The following CMYA5 variants were observed in gnomAD, a reference collection of about 807,000 sequenced individuals.
CMYA5 encodes the protein cardiomyopathy-associated protein 5.
CMYA5 carries 246 observed loss-of-function variants against 318.9 expected under a neutral mutation model. The observed-to-expected ratio is 0.77, with a 90% CI of 0.70 to 0.86. CMYA5 has a LOEUF of 0.86. Among genes scored for constraint, CMYA5 ranks in the 40% least tolerant of loss-of-function variants. The pLI, the probability that CMYA5 is intolerant of heterozygous loss-of-function variation, is 0.00. For missense variants in CMYA5, 4,589 were observed against 4,678.2 expected (o/e 0.98, Z 0.56); for synonymous variants, 1,641 against 1,729.5 (o/e 0.95, Z 1.27).
In CMYA5 at chr5:79,730,347, G is replaced by A. The variant is rs374034837; in HGVS notation, c.1582G>A (p.Glu528Lys). ...TPEPEDSNLVEEEIVELDYPE... is the reference protein window; with the variant it reads ...TPEPEDSNLVKEEIVELDYPE... ...TGAACCTGAAGATTCTAATTTAGTA[G>A]AAGAAGAGATCGTAGAACTTGATTA... The change falls in exon 2 of 13, where the codon GAA becomes AAA. Residue 528 changes from glutamate (E) to lysine (K), a missense_variant. This residue lies in a region of CMYA5 where 2,132 missense variants were observed against 2,131.3 expected (regional missense o/e 1.00). Transcript: ENST00000446378. 1.2e-6 allele frequency: 2 copies of A among 1,612,198 alleles called. No homozygotes were observed. The highest frequency in any genetic ancestry group is 1.7e-6 in the Non-Finnish European group (2 of 1,178,378).
At chr5:79,748,062 CAGTT>C (rs1356015432) in intron 5 of CMYA5, among the ~76,000 whole-genome samples, 6 of 151,944 alleles carry the variant, frequency 3.9e-5, no homozygotes, top group Admixed American at 1.3e-4. Context: ...AGAATATTAC[CAGTT>C]AGTTTTTGAA....
intron 10 of CMYA5, among the ~76,000 whole-genome samples, chr5:79,789,724 C>T (rs1409534026): frequency 6.6e-6 from 1 of 152,076 alleles, no homozygotes; most frequent in Non-Finnish European, 1.5e-5. Context: ...CATGCCTGGC[C>T]TCTCCAGATG....
intron 3 of CMYA5, 126 bp from the exon 4 acceptor site, chr5:79,745,096 G>A: frequency 1.6e-6 from 1 of 640,568 alleles, no homozygotes. Context: ...CTGTGCATGT[G>A]ATGTCTGATT....
chr5:79,787,528 T>G (rs1459975846), intron 9 of CMYA5, among the ~76,000 whole-genome samples: 2 of 152,218 alleles, frequency 1.3e-5, no homozygotes, highest in African/African-American at 4.8e-5. Flanking sequence ...GCCTAATTAG[T>G]TGTCAGTGGA....
Position 79,737,683 on chromosome 5 carries a change from T to C in CMYA5, c.8918T>C (p.Met2973Thr). 6.2e-7 allele frequency: 1 copy of C among 1,612,712 alleles called. No homozygotes were observed. The highest frequency in any genetic ancestry group is 1.7e-5 in the Admixed American group (1 of 59,764). ...ATCGATCAGGAAGAAAGTGAACAAA[T>C]GCAAGATAAATTAGAATATTTGGAA... Reference protein sequence around the residue: ...SSIDQEESEQMQDKLEYLEEK... With the variant: ...SSIDQEESEQTQDKLEYLEEK... Residue 2973 changes from methionine to threonine, a missense_variant, in exon 2 of 13, where the codon ATG (methionine) becomes ACG (threonine). Around this residue, in one of 3 missense-constraint regions of CMYA5, gnomAD observed 2,431 missense variants for 2,495.1 expected, o/e 0.97. Coordinates refer to ENST00000446378, the MANE Select transcript of CMYA5 (RefSeq NM_153610.5).
At chr5:79,748,548 T>G (rs1197565078) in intron 5 of CMYA5, among the ~76,000 whole-genome samples, 1 of 151,098 alleles carries the variant, frequency 6.6e-6, no homozygotes, top group Non-Finnish European at 1.5e-5. Context: ...TATCTATCTA[T>G]CTATATTTTT....
At chr5:79,771,037 G>C (rs1391463583) in intron 9 of CMYA5, among the ~76,000 whole-genome samples, 1 of 150,198 alleles carries the variant, frequency 6.7e-6, no homozygotes, top group Non-Finnish European at 1.5e-5. Context: ...ATAGCTTAGA[G>C]GTGAACTCTG....
rs76754321 is a variant in CMYA5 at position 79,777,395 on chromosome 5, G to A, written c.11556-11576G>A. Among the ~76,000 whole-genome samples the A allele has an allele frequency of 8.7e-3, 1,331 of 152,158 alleles. 18 individuals carry two copies. The highest frequency in any genetic ancestry group is 0.031 in the African/African-American group (1,271 of 41,502). ...TAACAAATGGTAGCATACTATATAT[G>A]TTTCACCACTTTGCTTTCCTTGCTT... On this transcript the variant is annotated intron_variant, in intron 9 of 12. Transcript: ENST00000446378.
Position 79,734,581 on chromosome 5 carries a change from C to T in CMYA5, c.5816C>T (p.Thr1939Ile), listed in dbSNP as rs766425752. 35 of 1,613,880 alleles carry T rather than the reference C, an allele frequency of 2.2e-5. No homozygotes were observed. Among genetic ancestry groups the T allele is most frequent in the Middle Eastern group, 3.3e-4 (2 of 6,060 alleles). ...LKAAVSSKDHTCEVRKQVLPH... is the reference protein window; with the variant it reads ...LKAAVSSKDHICEVRKQVLPH... ...GCTGCTGTGTCCAGTAAGGACCATA[C>T]ATGTGAAGTGAGAAAGCAGGTCCTG... Residue 1939 changes from threonine to isoleucine, a missense_variant, in exon 2 of 13, where the codon ACA (threonine) becomes ATA (isoleucine). This residue lies in a region of CMYA5 where 2,431 missense variants were observed against 2,495.1 expected (regional missense o/e 0.97). Transcript: ENST00000446378.
In CMYA5 at chr5:79,799,850, G is replaced by A. The variant is rs914175477; in HGVS notation, c.*234G>A. 15 of 231,492 alleles carry A rather than the reference G, an allele frequency of 6.5e-5. No individual in the cohort carries two copies. Among genetic ancestry groups the A allele is most frequent in the African/African-American group, 4.2e-4 (15 of 35,912 alleles). 14.3% of individuals were successfully genotyped at this position (231,492 alleles called of 1,614,324 possible). On this transcript the variant is annotated 3_prime_UTR_variant, in exon 13 of 13. Coordinates refer to ENST00000446378, the MANE Select transcript of CMYA5 (RefSeq NM_153610.5). Reference sequence around the variant, plus strand: ...AACCTCCACTCTTTAGTTTATATAAGTTTGAGTTCTTTCCTAAATTAAAAG... The same window carrying A: ...AACCTCCACTCTTTAGTTTATATAAATTTGAGTTCTTTCCTAAATTAAAAG...
chr5:79,758,929 G>A, intron 7 of CMYA5, 27 bp downstream of exon 7: 1 of 1,515,842 alleles, frequency 6.6e-7, no homozygotes, highest in Non-Finnish European at 8.9e-7. Flanking sequence ...AAATACAAAT[G>A]CATATGCATA....
At chr5:79,726,147 G>A (rs1281007260) in intron 1 of CMYA5, among the ~76,000 whole-genome samples, 1 of 152,140 alleles carries the variant, frequency 6.6e-6, no homozygotes, top group Non-Finnish European at 1.5e-5. Context: ...TGACCACCAC[G>A]TGTGTTCTCT....
chr5:79,790,174 G>A (rs259095), intron 10 of CMYA5, among the ~76,000 whole-genome samples: 9,193 of 152,224 alleles, frequency 0.06, 553 homozygotes, highest in East Asian at 0.32. Flanking sequence ...GAGAAGATGC[G>A]AGGGCTGTCT....
Position 79,733,669 on chromosome 5 carries a change from C to A in CMYA5, c.4904C>A (p.Pro1635Gln). 6.2e-7 allele frequency: 1 copy of A among 1,613,838 alleles called. No individual in the cohort carries two copies. Among genetic ancestry groups the A allele is most frequent in the South Asian group, 1.1e-5 (1 of 91,080 alleles). ...KDKPHQPLEL[P>Q]NAGSEFSSDL... ...AAGCCACACCAACCGTTGGAATTACCAAATGCTGGGTCAGAATTTTCTAGT... is the reference window on the plus strand; with the variant it reads ...AAGCCACACCAACCGTTGGAATTACAAAATGCTGGGTCAGAATTTTCTAGT... The change falls in exon 2 of 13, where the codon CCA becomes CAA. Residue 1635 changes from proline to glutamine, a missense_variant. By Grantham distance (76) the Pro-to-Gln change is moderately conservative. This residue lies in a region of CMYA5 where 2,132 missense variants were observed against 2,131.3 expected (regional missense o/e 1.00). Transcript: ENST00000446378.
chr5:79,799,338 A>G (rs1192285192), intron 12 of CMYA5, 32 bp from the exon 13 acceptor site: 1 of 1,569,124 alleles, frequency 6.4e-7, no homozygotes, highest in Admixed American at 1.8e-5. Flanking sequence ...AGATTTCCAG[A>G]GTTTTATGTT....
In CMYA5 at chr5:79,734,823, C is replaced by T. The variant is rs2151086742; in HGVS notation, c.6058C>T (p.Leu2020=). Residue 2020 remains leucine (L), a synonymous_variant, in exon 2 of 13, where the codon CTA becomes TTA. Coordinates refer to ENST00000446378, the MANE Select transcript of CMYA5 (RefSeq NM_153610.5). The part of the protein sequence containing the change: ...IHSLMESESL[L]LEKANTELSW... ...TTCTTTGATGGAGAGTGAAAGTTTG[C>T]TATTGGAGAAAGCAAACACAGAGCT... The T allele has an allele frequency of 6.2e-7, 1 of 1,613,664 alleles. No homozygotes were observed.
At chr5:79,692,771 C>G (rs887593270) in intron 1 of CMYA5, among the ~76,000 whole-genome samples, 1 of 152,176 alleles carries the variant, frequency 6.6e-6, no homozygotes, top group Non-Finnish European at 1.5e-5. Context: ...TCATTATTAG[C>G]AGGAAGGCTC....
intron 10 of CMYA5, among the ~76,000 whole-genome samples, chr5:79,790,565 G>A (rs141913232): frequency 1.8e-4 from 28 of 152,094 alleles, no homozygotes; most frequent in African/African-American, 4.8e-4. Flanking sequence ...CACCTCACCC[G>A]GCCTGTATCC....
chr5:79,713,763 C>A (rs553396081), intron 1 of CMYA5, among the ~76,000 whole-genome samples: 1 of 152,198 alleles, frequency 6.6e-6, no homozygotes, highest in African/African-American at 2.4e-5. Flanking sequence ...CCTACTACTA[C>A]GTAGATACTT....
Sources: allele counts gnomAD v4.1 joint callset (sites outside exome capture counted in the v4.1 genomes callset), GRCh38; gene constraint gnomAD v4.1.1; regional missense constraint gnomAD v4.1.1; transcripts MANE v1.5; gene names NCBI Gene and HGNC (gene_info 2026-07-23, HGNC 2026-07-21).